DLG2: variants seen among roughly 807,000 people sequenced by gnomAD.
DLG2 encodes the protein discs large MAGUK scaffold protein 2.
DLG2 carries 45 observed loss-of-function variants against 132.5 expected under a neutral mutation model. That is an observed-to-expected ratio of 0.34 (90% CI 0.27 to 0.44). DLG2 has a LOEUF of 0.44. Among genes scored for constraint, DLG2 ranks in the 20% least tolerant of loss-of-function variants. The pLI, the probability that DLG2 is intolerant of heterozygous loss-of-function variation, is 1.00. For synonymous variants in DLG2, 424 were observed against 419.6 expected (o/e 1.01, Z -0.13); for missense variants, 1,045 against 1,196.9 (o/e 0.87, Z 1.87).
chr11:85,137,628 T>C (rs57671189), intron 5 of DLG2, among the ~76,000 whole-genome samples: 14,192 of 152,160 alleles, frequency 0.093, 899 homozygotes, highest in African/African-American at 0.17. Flanking sequence ...TGGGTTCCTA[T>C]CTGACACCTT....
intron 7 of DLG2, among the ~76,000 whole-genome samples, chr11:84,376,573 T>C (rs1176707072): frequency 6.6e-6 from 1 of 151,956 alleles, no homozygotes; most frequent in Non-Finnish European, 1.5e-5. Flanking sequence ...TAAAAACTTT[T>C]CATGAACCCA....
At chr11:83,478,261 G>A (rs1175044553) in intron 22 of DLG2, among the ~76,000 whole-genome samples, 3 of 152,022 alleles carry the variant, frequency 2.0e-5, no homozygotes, top group Non-Finnish European at 4.4e-5. Context: ...CTGTGATAAA[G>A]ACTCTTCTTA....
chr11:84,123,977 C>A (rs558639712), intron 9 of DLG2, among the ~76,000 whole-genome samples: 1 of 152,242 alleles, frequency 6.6e-6, no homozygotes, highest in Non-Finnish European at 1.5e-5. Context: ...GTGATTCATG[C>A]ATGTAAAAAT....
chr11:84,503,707 G>A (rs2099229459), intron 7 of DLG2, among the ~76,000 whole-genome samples: 1 of 152,172 alleles, frequency 6.6e-6, no homozygotes, highest in African/African-American at 2.4e-5. Flanking sequence ...AGAAAAGTCT[G>A]AGTCAGCAAG....
intron 18 of DLG2, among the ~76,000 whole-genome samples, chr11:83,690,047 A>AT (rs1406017397): frequency 6.8e-6 from 1 of 146,692 alleles, no homozygotes; most frequent in Non-Finnish European, 1.5e-5. Flanking sequence ...TAAATTATGT[A>AT]TTTTTATATA....
chr11:85,089,778 C>G (rs1303110954), intron 6 of DLG2, among the ~76,000 whole-genome samples: 1 of 152,136 alleles, frequency 6.6e-6, no homozygotes. Flanking sequence ...TGAACAGCTG[C>G]TTCTCAAAAG....
intron 5 of DLG2, among the ~76,000 whole-genome samples, chr11:85,118,340 T>G (rs968175295): frequency 6.6e-6 from 1 of 152,060 alleles, no homozygotes; most frequent in African/African-American, 2.4e-5. Flanking sequence ...CCTCAACACT[T>G]TTCAAAATCC....
At chr11:84,908,585 C>A (rs1017904724) in intron 6 of DLG2, among the ~76,000 whole-genome samples, 5 of 151,860 alleles carry the variant, frequency 3.3e-5, no homozygotes, top group Admixed American at 3.3e-4. Context: ...CAGAAAGTTT[C>A]CCCTGTGAGT....
intron 17 of DLG2, among the ~76,000 whole-genome samples, chr11:83,825,084 C>CACATATATATACACATATATATAG (rs1365737485): frequency 4.1e-5 from 6 of 145,948 alleles, no homozygotes; most frequent in Non-Finnish European, 9.0e-5. Context: ...TATATATACA[C>CACATATATATACACATATATATAG]ACATATATAT....
intron 3 of DLG2, among the ~76,000 whole-genome samples, chr11:85,560,675 C>A (rs1348036822): frequency 6.6e-6 from 1 of 151,756 alleles, no homozygotes; most frequent in African/African-American, 2.4e-5. Flanking sequence ...TTGAATGATA[C>A]ACTTATAATG....
intron 3 of DLG2, among the ~76,000 whole-genome samples, chr11:85,386,194 A>C (rs765362500): frequency 3.9e-5 from 6 of 152,210 alleles, no homozygotes; most frequent in Non-Finnish European, 8.8e-5. Flanking sequence ...TAGCTGTGTG[A>C]TTTCAGGTTT....
At chr11:84,533,173 G>C (rs1019784016) in intron 7 of DLG2, among the ~76,000 whole-genome samples, 1 of 152,216 alleles carries the variant, frequency 6.6e-6, no homozygotes, top group Non-Finnish European at 1.5e-5. Context: ...AGCTATAAAT[G>C]TCAGGAGCTG....
intron 7 of DLG2, among the ~76,000 whole-genome samples, chr11:84,532,022 A>G (rs549294357): frequency 1.2e-4 from 19 of 152,252 alleles, no homozygotes; most frequent in Middle Eastern, 6.8e-3. Flanking sequence ...TGCAATCACC[A>G]AAACAGCAGA....
At chr11:85,379,305 G>C (rs1034684311) in intron 3 of DLG2, among the ~76,000 whole-genome samples, 30 of 152,084 alleles carry the variant, frequency 2.0e-4, no homozygotes, top group Admixed American at 1.6e-3. Context: ...CCTAACAGCT[G>C]ACTTTTAATC....
rs192448407 is a variant in DLG2 at position 84,934,488 on chromosome 11, C to A, written c.357+177173G>T. On this transcript the variant is annotated intron_variant, in intron 6 of 27. Transcript: ENST00000376104. ...ACATCCTCTTTGTACATCTGTGAAT[C>A]TGTATGGTCCTGGGTGTTTTTTTTT... Among the ~76,000 whole-genome samples, 287 of 92,514 alleles carry A rather than the reference C, an allele frequency of 3.1e-3. 1 individual carries two copies. The highest frequency in any genetic ancestry group is 0.012 in the African/African-American group (268 of 21,714). 60.7% of individuals were successfully genotyped at this position (92,514 alleles called of 152,430 possible).
chr11:84,291,920 C>T (rs539950839), intron 7 of DLG2, among the ~76,000 whole-genome samples: 100 of 152,138 alleles, frequency 6.6e-4, no homozygotes, highest in Non-Finnish European at 9.0e-4. Context: ...TTTTGGAAAA[C>T]ACCCCCTCTA....
intron 7 of DLG2, among the ~76,000 whole-genome samples, chr11:84,272,903 C>A (rs1032741064): frequency 6.6e-6 from 1 of 152,134 alleles, no homozygotes; most frequent in Non-Finnish European, 1.5e-5. Context: ...TTAGAAACTA[C>A]TGTCTTCAGT....
chr11:84,766,948 T>C (rs1166691250), intron 6 of DLG2, among the ~76,000 whole-genome samples: 1 of 152,102 alleles, frequency 6.6e-6, no homozygotes, highest in East Asian at 1.9e-4. Context: ...CCAAAGACCA[T>C]GTGCATCTCA....
intron 2 of DLG2, among the ~76,000 whole-genome samples, chr11:85,623,031 C>G (rs1160833962): frequency 2.0e-5 from 3 of 151,254 alleles, no homozygotes; most frequent in Non-Finnish European, 4.4e-5. Flanking sequence ...GCACTCCCAC[C>G]TGGGCTACAG....
Sources: allele counts gnomAD v4.1 joint callset (sites outside exome capture counted in the v4.1 genomes callset), GRCh38; gene constraint gnomAD v4.1.1; transcripts MANE v1.5; gene names NCBI Gene and HGNC (gene_info 2026-07-23, HGNC 2026-07-21).